CNTN1: variants seen among roughly 807,000 people sequenced by gnomAD.
CNTN1 encodes contactin 1.
A neutral mutation model predicts 126.4 loss-of-function variants in CNTN1; 38 were observed. The ratio of observed to expected loss-of-function variants is 0.30; its 90% CI spans 0.23 to 0.39. The LOEUF (loss-of-function observed/expected upper bound fraction) is 0.39. Among genes scored for constraint, CNTN1 ranks in the 10% least tolerant of loss-of-function variants. CNTN1 has a pLI of 1.00. For synonymous variants in CNTN1, 413 were observed against 422.6 expected, an observed-to-expected ratio of 0.98 and a Z score of 0.28; for missense variants, 1,009 against 1,248.4, an observed-to-expected ratio of 0.81 and a Z score of 2.89.
chr12:41,058,180 C>T lies in CNTN1; in HGVS notation c.2981-11779C>T, dbSNP rs1373773049. ...AAGACATAGTAAATCCAAAATGAGT[C>T]AATGCTCCCAAGCTTCTTTTTAGGT... On this transcript the variant is annotated intron_variant, in intron 23 of 23. Coordinates refer to ENST00000551295, the MANE Select transcript of CNTN1 (RefSeq NM_001843.4). Among the ~76,000 whole-genome samples the T allele has an allele frequency of 3.3e-5, 5 of 152,046 alleles. No individual in the cohort carries two copies. In the East Asian group the frequency reaches 9.6e-4, roughly 29 times the overall value.
rs570501864 is a variant in CNTN1, at chr12:40,713,919, C to T, written c.-77+21327C>T. Among the ~76,000 whole-genome samples the T allele has an allele frequency of 1.5e-4, 23 of 152,140 alleles. No homozygotes were observed. In the South Asian group the frequency reaches 1.7e-3, roughly 11 times the overall value. On this transcript the variant is annotated intron_variant, in intron 1 of 23. Coordinates refer to ENST00000551295, the MANE Select transcript of CNTN1 (RefSeq NM_001843.4). ...CTTTTTCCCCTGTATTATGAAATTA[C>T]GCTCTTCTCTATTTCTCACTGCTAA...
chr12:40,822,916 A>G lies in CNTN1; in HGVS notation c.-76-85441A>G, dbSNP rs571926692. Among the ~76,000 whole-genome samples, 3 of 152,116 alleles carry G rather than the reference A, an allele frequency of 2.0e-5. No individual in the cohort carries two copies. The South Asian group carries it at 6.2e-4, about 32-fold the overall frequency. On this transcript the variant is annotated intron_variant, in intron 1 of 23. Coordinates refer to ENST00000551295, the MANE Select transcript of CNTN1 (RefSeq NM_001843.4). ...CTACCCACTTCTCCCTGTCCCTCTT[A>G]TATTCTCTGGTGTTTGTTGTTACCA...
chr12:41,046,562 ACT>A (rs1949543845), intron 23 of CNTN1, among the ~76,000 whole-genome samples: 1 of 151,890 alleles, frequency 6.6e-6, no homozygotes, highest in African/African-American at 2.4e-5. Flanking sequence ...TTTTTAAAAA[ACT>A]CTATGTATTA....
chr12:40,710,975 G>T lies in CNTN1; in HGVS notation c.-77+18383G>T, dbSNP rs1299233818. On this transcript the variant is annotated intron_variant, in intron 1 of 23. Transcript: ENST00000551295. ...TCCACATGCTTTGGAACCTCTTCTAGAAGAAGACACTAATACTTATATTGC... is the reference window on the plus strand; with the variant it reads ...TCCACATGCTTTGGAACCTCTTCTATAAGAAGACACTAATACTTATATTGC... Among the ~76,000 whole-genome samples the T allele has an allele frequency of 2.2e-5, 3 of 139,160 alleles. No homozygotes were observed. The East Asian group carries it at 6.0e-4, about 28-fold the overall frequency. 91.3% of individuals were successfully genotyped at this position (139,160 alleles called of 152,430 possible).
rs546332244 is a variant in CNTN1 at position 41,071,582 on chromosome 12, T to C, written c.*1547T>C. 3.3e-5 allele frequency: 5 copies of C among 152,336 alleles called. No individual in the cohort carries two copies. The East Asian group carries it at 7.7e-4, about 23-fold the overall frequency. The allele number at this position is 152,336 out of a possible 1,614,324, so 9.4% of individuals were successfully genotyped here. A position where few individuals can be genotyped will look rare whatever the true frequency, so the allele number is the denominator to read the frequency against. ...TTTAATTTGTATAATTTTTGTACTA[T>C]ATATCGATGTGTAAATGTTTAGAGT... On this transcript the variant is annotated 3_prime_UTR_variant, in exon 24 of 24. Transcript: ENST00000551295.
chr12:40,805,669 T>C (rs1940825635), intron 1 of CNTN1, among the ~76,000 whole-genome samples: 2 of 152,028 alleles, frequency 1.3e-5, no homozygotes, highest in African/African-American at 4.8e-5. Flanking sequence ...GTGAGTTTGG[T>C]TTAGTTGGTT....
intron 1 of CNTN1, among the ~76,000 whole-genome samples, chr12:40,895,693 G>C (rs1006952785): frequency 2.0e-5 from 3 of 152,040 alleles, no homozygotes; most frequent in Admixed American, 2.0e-4. Flanking sequence ...ATGAAATCTG[G>C]GGGACACAAG....
At chr12:40,913,481 CT>C (rs1945119488) in intron 3 of CNTN1, among the ~76,000 whole-genome samples, 1 of 152,046 alleles carries the variant, frequency 6.6e-6, no homozygotes, top group Non-Finnish European at 1.5e-5. Flanking sequence ...ATGCCATTAC[CT>C]TTTTCTAACA....
chr12:40,740,503 A>G (rs1456185017), intron 1 of CNTN1, among the ~76,000 whole-genome samples: 2 of 152,132 alleles, frequency 1.3e-5, no homozygotes, highest in Non-Finnish European at 2.9e-5. Context: ...AAATAGTTTA[A>G]TGCCTCTTCA....
At chr12:40,809,479 T>G (rs1328359006) in intron 1 of CNTN1, among the ~76,000 whole-genome samples, 1 of 152,184 alleles carries the variant, frequency 6.6e-6, no homozygotes, top group Non-Finnish European at 1.5e-5. Flanking sequence ...AATCAACAAA[T>G]TTTATATCTT....
chr12:40,713,432 T>C (rs1401252532), intron 1 of CNTN1, among the ~76,000 whole-genome samples: 1 of 148,334 alleles, frequency 6.7e-6, no homozygotes, highest in Non-Finnish European at 1.5e-5. Context: ...CATACTTGTT[T>C]ATATTATACT....
intron 1 of CNTN1, among the ~76,000 whole-genome samples, chr12:40,850,434 A>T (rs1274136898): frequency 6.6e-6 from 1 of 152,108 alleles, no homozygotes; most frequent in East Asian, 1.9e-4. Context: ...ATCCAGAAGG[A>T]GTTTTGGTAA....
At chr12:41,034,172 T>G (rs2120894427) in intron 23 of CNTN1, among the ~76,000 whole-genome samples, 1 of 152,352 alleles carries the variant, frequency 6.6e-6, no homozygotes, top group African/African-American at 2.4e-5. Flanking sequence ...TTAAAGTTAC[T>G]ATATATTCAT....
At chr12:40,936,223 TTCACCAA>T (rs1364201686) in intron 9 of CNTN1, among the ~76,000 whole-genome samples, 12 of 152,098 alleles carry the variant, frequency 7.9e-5, no homozygotes, top group Non-Finnish European at 1.6e-4. Context: ...ATGCATGGAT[TTCACCAA>T]TCATGGCTAC....
intron 14 of CNTN1, among the ~76,000 whole-genome samples, chr12:40,947,211 T>G (rs2136962087): frequency 6.6e-6 from 1 of 152,138 alleles, no homozygotes; most frequent in South Asian, 2.1e-4. Context: ...ATCTAAAAAT[T>G]TCCTGAGTAT....
chr12:41,028,840 T>C (rs1033231479), intron 22 of CNTN1, among the ~76,000 whole-genome samples: 10 of 152,224 alleles, frequency 6.6e-5, no homozygotes, highest in Non-Finnish European at 1.3e-4. Flanking sequence ...GATGCTTAAG[T>C]CACATCTCCT....
At chr12:40,707,082 ACACACAC>A in intron 1 of CNTN1, among the ~76,000 whole-genome samples, 2 of 105,314 alleles carry the variant, frequency 1.9e-5, no homozygotes, top group African/African-American at 3.7e-5. Flanking sequence ...ACACACACAC[ACACACAC>A]CCCTGCTCAG....
chr12:40,731,274 T>A (rs1156628858), intron 1 of CNTN1, among the ~76,000 whole-genome samples: 1 of 151,986 alleles, frequency 6.6e-6, no homozygotes, highest in Non-Finnish European at 1.5e-5. Context: ...TTTTGGGTGT[T>A]TTTTCCCTTA....
At chr12:40,880,799 C>T (rs1194798602) in intron 1 of CNTN1, among the ~76,000 whole-genome samples, 1 of 151,928 alleles carries the variant, frequency 6.6e-6, no homozygotes, top group African/African-American at 2.4e-5. Context: ...CTTCTCTTGA[C>T]TCTATTTTCT....
Sources: allele counts gnomAD v4.1 joint callset (sites outside exome capture counted in the v4.1 genomes callset), GRCh38; gene constraint gnomAD v4.1.1; transcripts MANE v1.5; gene names NCBI Gene and HGNC (gene_info 2026-07-23, HGNC 2026-07-21).